Variants in MOBP observed in about 807,000 individuals in gnomAD.
The protein encoded by MOBP is myelin associated oligodendrocyte basic protein.
MOBP carries 5 observed loss-of-function variants against 15.0 expected under a neutral mutation model. The ratio of observed to expected loss-of-function variants is 0.33; its 90% confidence interval spans 0.17 to 0.70. The LOEUF (loss-of-function observed/expected upper bound fraction) is 0.70. Among genes scored for constraint, MOBP ranks in the 30% least tolerant of loss-of-function variants. The probability of loss-of-function intolerance (pLI) is 0.67; values close to 1 mark genes in which losing one functional copy is unlikely to be tolerated. For synonymous variants in MOBP, 88 were observed against 99.0 expected (o/e 0.89, Z 0.66); for missense variants, 188 against 257.8 (o/e 0.73, Z 1.85).
chr3:39,517,531 A>G (rs527593386), downstream of MOBP, among the ~76,000 whole-genome samples: 45 of 152,340 alleles, frequency 3.0e-4, no homozygotes, highest in African/African-American at 9.4e-4. Flanking sequence ...CTGACTTCAT[A>G]TAGATAAAGG....
At chr3:39,468,716 G>C (rs147834332) in intron 1 of MOBP, among the ~76,000 whole-genome samples, 1 of 83,716 alleles carries the variant, frequency 1.2e-5, no homozygotes, top group African/African-American at 8.6e-5. Context: ...ATATGTGTGT[G>C]TATATACATA....
intron 1 of MOBP, among the ~76,000 whole-genome samples, chr3:39,474,505 A>G (rs2042516314): frequency 6.6e-6 from 1 of 152,238 alleles, no homozygotes; most frequent in African/African-American, 2.4e-5. Flanking sequence ...GAAAAGATAC[A>G]GTAAAAATAC....
intron 3 of MOBP, among the ~76,000 whole-genome samples, chr3:39,521,971 G>A (rs1016252394): frequency 2.6e-5 from 4 of 152,210 alleles, no homozygotes; most frequent in Admixed American, 2.6e-4. Context: ...GAGTGGGTAT[G>A]GGAGGAGGGT....
chr3:39,469,286 A>ATG (rs72231224), intron 1 of MOBP, among the ~76,000 whole-genome samples: 36,636 of 114,554 alleles, frequency 0.32, 9,556 homozygotes, highest in Non-Finnish European at 0.46. Flanking sequence ...ATATATACAT[A>ATG]TGTGTGTATA....
In MOBP at chr3:39,495,345, A is replaced by G. The variant is rs11718481; in HGVS notation, c.-4-6721A>G. On this transcript the variant is annotated intron_variant, in intron 2 of 3. Transcript: ENST00000684792. ...GAAGAACTCATCCATAATTAAAATG[A>G]AGATTAAAAATTATTTTAATATTTG... Among the ~76,000 whole-genome samples the G allele has an allele frequency of 5.3e-4, 81 of 152,196 alleles. 1 individual carries two copies. In the South Asian group the frequency reaches 8.3e-3, roughly 16 times the overall value.
chr3:39,482,609 G>A (rs1286607704), intron 2 of MOBP, among the ~76,000 whole-genome samples: 7 of 138,516 alleles, frequency 5.1e-5, no homozygotes, highest in Non-Finnish European at 9.0e-5. Flanking sequence ...CAGAGATCGC[G>A]CCACTGCACT....
At chr3:39,505,776 G>A (rs995450724), downstream of MOBP, among the ~76,000 whole-genome samples, 13 of 152,078 alleles carry the variant, frequency 8.5e-5, no homozygotes, top group South Asian at 8.3e-4. Context: ...TTCAACACTC[G>A]TTTTATAAAT....
chr3:39,494,023 T>G (rs1161053109), intron 2 of MOBP, among the ~76,000 whole-genome samples: 1 of 152,204 alleles, frequency 6.6e-6, no homozygotes, highest in Admixed American at 6.5e-5. Context: ...ACTTTTTGCC[T>G]ACCTTTCATT....
In MOBP at chr3:39,502,057, G is replaced by A. The variant is rs368327142; in HGVS notation, c.-4-9G>A. 2.5e-6 allele frequency: 4 copies of A among 1,612,976 alleles called. No individual in the cohort carries two copies. Among genetic ancestry groups the A allele is most frequent in the Non-Finnish European group, 3.4e-6 (4 of 1,179,526 alleles). On this transcript the variant is annotated splice_polypyrimidine_tract_variant and intron_variant, in intron 2 of 3. Coordinates refer to ENST00000684792, the MANE Select transcript of MOBP (RefSeq NM_001393704.1). The surrounding 1 kb of genome is among the most constrained non-coding windows in gnomAD (Gnocchi z 6.3). ...TCTCCTCCTGTCTCCTTGCATCGGC[G>A]ATTTCCAGTGAGATGAGTCAGAAAC... is the stretch of plus-strand genomic sequence containing the variant.
chr3:39,489,924 A>G (rs921383448), intron 2 of MOBP, among the ~76,000 whole-genome samples: 19 of 152,210 alleles, frequency 1.2e-4, no homozygotes, highest in African/African-American at 4.3e-4. Flanking sequence ...CTTCATAAGC[A>G]CCTTTAAAAA....
At chr3:39,477,048 C>G (rs1033627127) in intron 1 of MOBP, among the ~76,000 whole-genome samples, 2 of 152,040 alleles carry the variant, frequency 1.3e-5, no homozygotes, top group Non-Finnish European at 2.9e-5. Flanking sequence ...CTTGCTAGGT[C>G]AGACCTATTT....
chr3:39,486,557 A>T (rs2042713884), intron 2 of MOBP, among the ~76,000 whole-genome samples: 1 of 152,106 alleles, frequency 6.6e-6, no homozygotes, highest in Non-Finnish European at 1.5e-5. Context: ...TACCCTCCGA[A>T]GTGGCTCTTC....
chr3:39,502,326 C>G lies in MOBP; in HGVS notation c.206+51C>G, dbSNP rs374322926. On this transcript the variant is annotated intron_variant, in intron 3 of 3. Coordinates refer to ENST00000684792, the MANE Select transcript of MOBP (RefSeq NM_001393704.1). The surrounding 1 kb of genome is among the most constrained non-coding windows in gnomAD (Gnocchi z 6.3). ...ACCAGTTGGGCACAGCGCGTGGTCTCGGCTCCCAGCACGCCCCTCCCGCTC... is the reference window on the plus strand; with the variant it reads ...ACCAGTTGGGCACAGCGCGTGGTCTGGGCTCCCAGCACGCCCCTCCCGCTC... 5 of 1,608,638 alleles carry G rather than the reference C, an allele frequency of 3.1e-6. No homozygotes were observed. The highest frequency in any genetic ancestry group is 4.2e-6 in the Non-Finnish European group (5 of 1,177,500).
intron 2 of MOBP, among the ~76,000 whole-genome samples, chr3:39,499,257 G>A (rs58560179): frequency 6.6e-6 from 1 of 152,230 alleles, no homozygotes; most frequent in East Asian, 1.9e-4. Flanking sequence ...TAGGACTTGG[G>A]GAAGGGCTTA....
At chr3:39,476,782 T>A (rs1575285327) in intron 1 of MOBP, among the ~76,000 whole-genome samples, 1 of 152,164 alleles carries the variant, frequency 6.6e-6, no homozygotes, top group Admixed American at 6.5e-5. Context: ...TTTAAAAAAA[T>A]TCTTATTCTT....
chr3:39,469,232 ATGTGTGTGTATATATACATATATG>A (rs2042428980), intron 1 of MOBP, among the ~76,000 whole-genome samples: 2 of 89,492 alleles, frequency 2.2e-5, no homozygotes, highest in South Asian at 3.2e-4. Context: ...ATATATACAT[ATGTGTGTGTATATATACATATATG>A]TGTGTGTATA....
rs894732116 is a variant in MOBP, at chr3:39,495,315, TTGAAG to T, written c.-4-6750_-4-6746del. On this transcript the variant is annotated intron_variant, in intron 2 of 3. Transcript: ENST00000684792. ...AATAGATTTTGTAATAACTGATGAA[TTGAAG>T]AAGAACTCATCCATAATTAAAATGA... is the stretch of plus-strand genomic sequence containing the variant. Among the ~76,000 whole-genome samples, 16 of 82,122 alleles carry T rather than the reference TTGAAG, an allele frequency of 1.9e-4. No individual in the cohort carries two copies. The South Asian group carries it at 5.3e-3, about 27-fold the overall frequency. The allele number at this position is 82,122 out of a possible 152,430, so 53.9% of individuals were successfully genotyped here. A position where few individuals can be genotyped will look rare whatever the true frequency, so the allele number is the denominator to read the frequency against.
rs1161613209 is a variant in MOBP, at chr3:39,500,375, ATAACTC to A, written c.-4-1686_-4-1681del. ...TTATTTAGTATTTATTACACCTTAA[ATAACTC>A]TAACATTAAAAGTTTAGTGTTAAAA... is the stretch of plus-strand genomic sequence containing the variant. On this transcript the variant is annotated intron_variant, in intron 2 of 3. Coordinates refer to ENST00000684792, the MANE Select transcript of MOBP (RefSeq NM_001393704.1). Among the ~76,000 whole-genome samples, 3 of 152,202 alleles carry A rather than the reference ATAACTC, an allele frequency of 2.0e-5. No individual in the cohort carries two copies. In the East Asian group the frequency reaches 5.8e-4, roughly 29 times the overall value.
chr3:39,476,802 G>A (rs1261997710), intron 1 of MOBP, among the ~76,000 whole-genome samples: 1 of 151,886 alleles, frequency 6.6e-6, no homozygotes, highest in Non-Finnish European at 1.5e-5. Context: ...TTATGGAAAA[G>A]CCTCATTTTG....
Sources: allele counts gnomAD v4.1 joint callset (sites outside exome capture counted in the v4.1 genomes callset), GRCh38; gene constraint gnomAD v4.1.1; non-coding constraint Gnocchi (gnomAD v3.1); transcripts MANE v1.5; gene names NCBI Gene and HGNC (gene_info 2026-07-23, HGNC 2026-07-21).